Variants in WASHC2C observed in about 807,000 individuals in gnomAD.
WASHC2C encodes Vaccinia Penetration Factor.
WASHC2C carries 73 observed loss-of-function variants against 142.2 expected under a neutral mutation model. The ratio of observed to expected loss-of-function variants is 0.51; its 90% CI spans 0.43 to 0.62. The LOEUF (loss-of-function observed/expected upper bound fraction) is 0.62. Ranked by LOEUF, WASHC2C falls within the 20% of genes least tolerant of loss-of-function variation. The pLI, the probability that WASHC2C is intolerant of heterozygous loss-of-function variation, is 0.00. For synonymous variants in WASHC2C, 337 were observed against 565.5 expected, an observed-to-expected ratio of 0.60 and a Z score of 5.73; for missense variants, 969 against 1,531.7, an observed-to-expected ratio of 0.63 and a Z score of 6.13.
At chr10:45,728,457 G>T (rs2610480) in intron 2 of WASHC2C, among the ~76,000 whole-genome samples, 4 of 151,844 alleles carry the variant, frequency 2.6e-5, no homozygotes, top group African/African-American at 9.7e-5. Context: ...CCAGCATTCC[G>T]GCCGGGCACA....
rs782110729 is a variant in WASHC2C at position 45,777,338 on chromosome 10, A to G, written c.2208A>G (p.Gln736=). The change falls in exon 22 of 31, where the codon CAA becomes CAG. Residue 736 remains glutamine, a synonymous_variant. Coordinates refer to ENST00000623400, the MANE Select transcript of WASHC2C (RefSeq NM_001330074.2). ...GCGATGAAGAAGAGAAGGAGGCACA[A>G]CTTGGAGTGAAGTCTGTGGATAAGA... is the stretch of plus-strand genomic sequence containing the variant. ...LFSDEEEKEA[Q]LGVKSVDKKV... 2.1e-5 allele frequency: 34 copies of G among 1,607,260 alleles called. No individual in the cohort carries two copies. The highest frequency in any genetic ancestry group is 6.7e-5 in the Admixed American group (4 of 59,728).
intron 11 of WASHC2C, among the ~76,000 whole-genome samples, chr10:45,751,870 G>T (rs1466107141): frequency 6.6e-6 from 1 of 152,040 alleles, no homozygotes; most frequent in Non-Finnish European, 1.5e-5. Flanking sequence ...CCAGCTACTT[G>T]GGAGGCTGAG....
chr10:45,782,443 A>T (rs1384569578), intron 23 of WASHC2C, among the ~76,000 whole-genome samples: 2 of 151,860 alleles, frequency 1.3e-5, no homozygotes, highest in African/African-American at 2.4e-5. Context: ...AATAAAAAAA[A>T]AAAAAAAAAG....
At chr10:45,768,475 G>A (rs2596995) in intron 19 of WASHC2C, among the ~76,000 whole-genome samples, 1 of 151,652 alleles carries the variant, frequency 6.6e-6, no homozygotes, top group Non-Finnish European at 1.5e-5. Context: ...AGAAAATAGG[G>A]GCGGGGCCTG....
In WASHC2C at chr10:45,792,821, A is replaced by T. The variant is rs1418582551; in HGVS notation, c.*421A>T. 4.2e-6 allele frequency: 2 copies of T among 476,844 alleles called. No individual in the cohort carries two copies. Among genetic ancestry groups the T allele is most frequent in the Non-Finnish European group, 8.6e-6 (2 of 232,358 alleles). 29.5% of individuals were successfully genotyped at this position (476,844 alleles called of 1,614,324 possible). Reference sequence around the variant, plus strand: ...AAAGAGAAAGAAGATGAGAGATTATACTTCATGAGTCTTAGCAATATGGGA... The same window carrying T: ...AAAGAGAAAGAAGATGAGAGATTATTCTTCATGAGTCTTAGCAATATGGGA... On this transcript the variant is annotated 3_prime_UTR_variant, in exon 31 of 31. Transcript: ENST00000623400.
Position 45,789,360 on chromosome 10 carries a change from G to A in WASHC2C, c.3577G>A (p.Ala1193Thr), listed in dbSNP as rs2058260322. Residue 1193 changes from alanine (A) to threonine (T), a missense_variant, in exon 29 of 31, where the codon GCA becomes ACA. Coordinates refer to ENST00000623400, the MANE Select transcript of WASHC2C (RefSeq NM_001330074.2). Reference sequence around the variant, plus strand: ...CTTTCAGTCTGCTAAACCAAAACCAGCAAAGAAAACAAATCCCTTTCCTCT... The same window carrying A: ...CTTTCAGTCTGCTAAACCAAAACCAACAAAGAAAACAAATCCCTTTCCTCT... ...DLFQSAKPKP[A>T]KKTNPFPLLE... The A allele has an allele frequency of 4.2e-5, 68 of 1,612,000 alleles. 1 individual carries two copies. In the South Asian group the frequency reaches 5.1e-4, roughly 12 times the overall value.
chr10:45,754,320 G>A (rs1171175454), intron 13 of WASHC2C, among the ~76,000 whole-genome samples, 166 bp from the exon 14 acceptor site: 7 of 152,098 alleles, frequency 4.6e-5, no homozygotes, highest in South Asian at 2.1e-4. Context: ...TCCTGACATC[G>A]GTAGAGAAGA....
At chr10:45,771,621 A>C in intron 20 of WASHC2C, 1 of 956,756 alleles carries the variant, frequency 1.0e-6, no homozygotes, top group African/African-American at 1.8e-5. Context: ...CCTGGCTTTC[A>C]GGAATGCTTT....
chr10:45,763,659 C>T (rs2055408141), intron 18 of WASHC2C, among the ~76,000 whole-genome samples, 170 bp downstream of exon 18: 1 of 150,700 alleles, frequency 6.6e-6, no homozygotes, highest in Non-Finnish European at 1.5e-5. Flanking sequence ...TGACTTCTTC[C>T]TTATATTTTC....
chr10:45,791,592 G>A (rs1183107881), intron 30 of WASHC2C, among the ~76,000 whole-genome samples: 1 of 145,738 alleles, frequency 6.9e-6, no homozygotes, highest in East Asian at 1.9e-4. Context: ...TTTATATTTA[G>A]CCATTAGCCT....
intron 13 of WASHC2C, among the ~76,000 whole-genome samples, chr10:45,754,242 C>T (rs1322477857): frequency 3.3e-5 from 5 of 152,148 alleles, no homozygotes; most frequent in African/African-American, 1.2e-4. Flanking sequence ...ACTGCTGTGG[C>T]TTGATGACGG....
intron 15 of WASHC2C, 38 bp downstream of exon 15, chr10:45,755,153 G>T: frequency 4.5e-6 from 7 of 1,565,258 alleles, no homozygotes; most frequent in Non-Finnish European, 6.1e-6. Context: ...ACTTCAGCCA[G>T]AAAAAGAATG....
intron 5 of WASHC2C, among the ~76,000 whole-genome samples, chr10:45,742,144 C>T (rs1299988806): frequency 6.6e-6 from 1 of 152,002 alleles, no homozygotes; most frequent in Admixed American, 6.6e-5. Context: ...CAGGAGTAGA[C>T]GGCTGACATG....
intron 30 of WASHC2C, 100 bp downstream of exon 30, chr10:45,790,633 C>T: frequency 1.3e-6 from 2 of 1,530,654 alleles, no homozygotes; most frequent in Non-Finnish European, 1.8e-6. Flanking sequence ...GGAAAATGCA[C>T]CCCAGCGGGT....
chr10:45,792,455 A>G lies in WASHC2C; in HGVS notation c.*55A>G, dbSNP rs2058443256. On this transcript the variant is annotated 3_prime_UTR_variant, in exon 31 of 31. Transcript: ENST00000623400. ...CAGCTACATTGTTGAGTTAGTGATG[A>G]TATTGTATATGCTCATGGTCTTAAC... is the stretch of plus-strand genomic sequence containing the variant. 1.3e-6 allele frequency: 2 copies of G among 1,561,160 alleles called. No homozygotes were observed. Among genetic ancestry groups the G allele is most frequent in the African/African-American group, 1.4e-5 (1 of 72,692 alleles).
At chr10:45,735,243 T>A (rs1554864013) in intron 3 of WASHC2C, among the ~76,000 whole-genome samples, 1 of 151,606 alleles carries the variant, frequency 6.6e-6, no homozygotes. Flanking sequence ...TTATTTATTT[T>A]TTTGAAATAG....
chr10:45,744,459 T>C lies in WASHC2C; in HGVS notation c.623-362T>C, dbSNP rs1448613452. ...TGACACCCTTTACAGTCTCTCTCTT[T>C]TGTTCTGTGGTCCGGGACTCAATCC... On this transcript the variant is annotated intron_variant, in intron 6 of 30. Transcript: ENST00000623400. 2.8e-5 allele frequency among the ~76,000 whole-genome samples: 4 copies of C among 141,322 alleles called. No homozygotes were observed. In the South Asian group the frequency reaches 9.5e-4, roughly 34 times the overall value. 92.7% of individuals were successfully genotyped at this position (141,322 alleles called of 152,430 possible).
At chr10:45,772,414 G>A (rs541311880) in intron 20 of WASHC2C, among the ~76,000 whole-genome samples, 6 of 152,302 alleles carry the variant, frequency 3.9e-5, no homozygotes, top group Non-Finnish European at 5.9e-5. Flanking sequence ...TGAAGTGTAC[G>A]CACTTTAAAA....
chr10:45,791,559 T>A (rs1284274936), intron 30 of WASHC2C, among the ~76,000 whole-genome samples: 1 of 146,026 alleles, frequency 6.8e-6, no homozygotes, highest in East Asian at 1.9e-4. Flanking sequence ...TCCTTCCTTG[T>A]TTTCAGTGCT....
Sources: gnomAD v4.1 joint callset for allele counts (sites outside exome capture counted in the v4.1 genomes callset) on GRCh38, gnomAD v4.1.1 for gene constraint, MANE v1.5 for transcripts, NCBI Gene and HGNC (gene_info 2026-07-23, HGNC 2026-07-21) for gene names.